Variants in ACAP2 observed in about 807,000 individuals in gnomAD.
The protein encoded by ACAP2 is arf-GAP with coiled-coil, ANK repeat and PH domain-containing protein 2.
In ACAP2, 39 loss-of-function variants were observed where a neutral mutation model predicts 115.8. That is an observed-to-expected ratio of 0.34 (90% confidence interval 0.26 to 0.44). The LOEUF is 0.44. Ranked by LOEUF, ACAP2 falls within the 20% of genes least tolerant of loss-of-function variation. ACAP2 has a pLI of 1.00. For synonymous variants in ACAP2, 289 were observed against 315.8 expected, an observed-to-expected ratio of 0.92 and a Z score of 0.90; for missense variants, 662 against 927.6, an observed-to-expected ratio of 0.71 and a Z score of 3.72.
intron 4 of ACAP2, among the ~76,000 whole-genome samples, chr3:195,353,679 G>A (rs776418608): frequency 7.9e-5 from 12 of 152,234 alleles, no homozygotes; most frequent in Non-Finnish European, 1.3e-4. Flanking sequence ...TATTTGTAGC[G>A]ATTTCATGGA....
intron 9 of ACAP2, among the ~76,000 whole-genome samples, chr3:195,324,745 A>T (rs997791456): frequency 6.6e-6 from 1 of 151,978 alleles, no homozygotes. Context: ...CAGGACCAAA[A>T]TAAAATAAAA....
chr3:195,398,692 CTTCA>C (rs1386820576), intron 1 of ACAP2, among the ~76,000 whole-genome samples: 1 of 147,670 alleles, frequency 6.8e-6, no homozygotes, highest in Non-Finnish European at 1.5e-5. Flanking sequence ...ATGTCTCTGC[CTTCA>C]TTGTTTTCAA....
At chr3:195,439,328 C>T (rs1234622649) in intron 1 of ACAP2, among the ~76,000 whole-genome samples, 2 of 151,392 alleles carry the variant, frequency 1.3e-5, no homozygotes, top group East Asian at 1.9e-4. Flanking sequence ...CACAGATGCA[C>T]GCCACCATGC....
intron 13 of ACAP2, among the ~76,000 whole-genome samples, chr3:195,303,120 A>T (rs1288812522): frequency 6.6e-6 from 1 of 150,910 alleles, no homozygotes; most frequent in Non-Finnish European, 1.5e-5. Flanking sequence ...GGAGGCTGAG[A>T]CATGAGAATA....
intron 16 of ACAP2, 109 bp downstream of exon 16, chr3:195,297,081 T>C (rs1727702893): frequency 1.1e-6 from 1 of 888,216 alleles, no homozygotes; most frequent in African/African-American, 1.7e-5. Context: ...ACAGAAGTGG[T>C]AATGACTGCT....
Position 195,337,209 on chromosome 3 carries a change from T to C in ACAP2, c.529-233A>G, listed in dbSNP as rs574640273. 3.3e-5 allele frequency among the ~76,000 whole-genome samples: 5 copies of C among 152,366 alleles called. No homozygotes were observed. In the South Asian group the frequency reaches 1.0e-3, roughly 32 times the overall value. On this transcript the variant is annotated intron_variant, in intron 6 of 22. Coordinates refer to ENST00000326793, the MANE Select transcript of ACAP2 (RefSeq NM_012287.6). ...AAAGAAAAACTGGTTATTTAACCGA[T>C]ATTAGAGTGATGGAACTATTTTGAC...
intron 1 of ACAP2, among the ~76,000 whole-genome samples, chr3:195,425,251 A>C (rs1400615650): frequency 6.6e-6 from 1 of 152,134 alleles, no homozygotes; most frequent in Non-Finnish European, 1.5e-5. Context: ...ACCCATCAAG[A>C]CTTAACGATT....
At position 195,326,942 on chromosome 3, in the gene ACAP2, C is replaced by T. The variant is rs143661866; in HGVS notation, c.687G>A (p.Val229=). The T allele has an allele frequency of 3.1e-6, 5 of 1,613,790 alleles. No homozygotes were observed. The highest frequency in any genetic ancestry group is 4.2e-6 in the Non-Finnish European group (5 of 1,179,892). The change falls in exon 9 of 23, where the codon GTG becomes GTA. Residue 229 remains valine (V), a synonymous_variant. Coordinates refer to ENST00000326793, the MANE Select transcript of ACAP2 (RefSeq NM_012287.6). ...DLGAQLDRLV[V]DAAKEKREME... ...TTTCTCTTTTCTCCTTTGCTGCATCCACAACCAGTCGATCCAACTGTAAAA... is the reference window on the plus strand; with the variant it reads ...TTTCTCTTTTCTCCTTTGCTGCATCTACAACCAGTCGATCCAACTGTAAAA...
chr3:195,320,718 G>C lies in ACAP2; in HGVS notation c.840C>G (p.Ala280=), dbSNP rs1448059571. ...TATATTACCTGTTCCAAGTTTTGAA[G>C]GCATTGCTGGCTCGTTTGAACAGAT... ...EGYLFKRASN[A]FKTWNRRWFS... The change falls in exon 10 of 23, where the codon GCC becomes GCG. Residue 280 remains alanine (A), a synonymous_variant. Coordinates refer to ENST00000326793, the MANE Select transcript of ACAP2 (RefSeq NM_012287.6). 6.2e-7 allele frequency: 1 copy of C among 1,612,706 alleles called. No homozygotes were observed. The highest frequency in any genetic ancestry group is 8.5e-7 in the Non-Finnish European group (1 of 1,178,942).
chr3:195,427,814 G>A (rs1714797128), intron 1 of ACAP2, among the ~76,000 whole-genome samples: 1 of 152,054 alleles, frequency 6.6e-6, no homozygotes, highest in South Asian at 2.1e-4. Flanking sequence ...GGCTGAGGTG[G>A]AAGGATCACT....
intron 2 of ACAP2, among the ~76,000 whole-genome samples, chr3:195,391,596 G>T (rs1734680921): frequency 6.6e-6 from 1 of 152,076 alleles, no homozygotes; most frequent in Non-Finnish European, 1.5e-5. Flanking sequence ...TTGAATTCCT[G>T]CTCTGGCACT....
intron 4 of ACAP2, among the ~76,000 whole-genome samples, chr3:195,374,047 G>C (rs573121400): frequency 6.6e-6 from 1 of 152,124 alleles, no homozygotes; most frequent in African/African-American, 2.4e-5. Context: ...TAGGCAGAAG[G>C]GGGAAAAGGT....
intron 10 of ACAP2, among the ~76,000 whole-genome samples, chr3:195,310,036 G>T (rs1229562828): frequency 5.9e-5 from 9 of 152,138 alleles, no homozygotes; most frequent in Non-Finnish European, 1.0e-4. Context: ...CATGTGAGAT[G>T]ATTTCTATTG....
chr3:195,366,235 C>T (rs1437283456), intron 4 of ACAP2, among the ~76,000 whole-genome samples: 2 of 152,148 alleles, frequency 1.3e-5, no homozygotes, highest in Non-Finnish European at 2.9e-5. Context: ...ATCACAATCA[C>T]ATGGAAAACT....
chr3:195,334,634 C>T (rs530730998), intron 7 of ACAP2, among the ~76,000 whole-genome samples: 41 of 152,106 alleles, frequency 2.7e-4, no homozygotes, highest in Non-Finnish European at 5.6e-4. Flanking sequence ...ATTAACAAAA[C>T]GCAAAACTGA....
Position 195,442,954 on chromosome 3 carries a change from C to A in ACAP2, c.-107G>T. The A allele has an allele frequency of 2.9e-6, 3 of 1,049,456 alleles. No individual in the cohort carries two copies. Among genetic ancestry groups the A allele is most frequent in the Non-Finnish European group, 3.9e-6 (3 of 765,122 alleles). 65.0% of individuals were successfully genotyped at this position (1,049,456 alleles called of 1,614,324 possible). ...GGGCGCACGGCCGCGACTAGCGTTG[C>A]GCGGAGCTGCGAAGGGCGCCTCGCC... is the stretch of plus-strand genomic sequence containing the variant. On this transcript the variant is annotated 5_prime_UTR_variant, in exon 1 of 23. Transcript: ENST00000326793.
chr3:195,279,529 A>C (rs1726351581), intron 22 of ACAP2, 101 bp from the exon 23 acceptor site: 2 of 709,110 alleles, frequency 2.8e-6, no homozygotes, highest in South Asian at 4.2e-5. Flanking sequence ...CATTACATTA[A>C]AATTTTGTTC....
chr3:195,384,971 G>A (rs182704633), intron 2 of ACAP2, among the ~76,000 whole-genome samples: 1 of 152,230 alleles, frequency 6.6e-6, no homozygotes, highest in East Asian at 1.9e-4. Context: ...AGCTAAGTCT[G>A]CTTAGGTTCA....
At chr3:195,315,083 G>A (rs1268891405) in intron 10 of ACAP2, among the ~76,000 whole-genome samples, 1 of 152,222 alleles carries the variant, frequency 6.6e-6, no homozygotes, top group East Asian at 1.9e-4. Context: ...GCACAATGCA[G>A]AGGCTCACTG....
Sources: allele counts gnomAD v4.1 joint callset (sites outside exome capture counted in the v4.1 genomes callset), GRCh38; gene constraint gnomAD v4.1.1; transcripts MANE v1.5; gene names NCBI Gene and HGNC (gene_info 2026-07-23, HGNC 2026-07-21).